SCIN: variants seen among roughly 807,000 people sequenced by gnomAD.
The protein encoded by SCIN is adseverin.
In SCIN, 91 loss-of-function variants were observed where a neutral mutation model predicts 91.8. That is an observed-to-expected ratio of 0.99 (90% CI 0.84 to 1.18). The LOEUF (loss-of-function observed/expected upper bound fraction) is 1.18, where lower values mean the gene tolerates loss of function less well. SCIN is among the 50% of genes most tolerant of loss of function. The probability of loss-of-function intolerance (pLI) is 0.00; values close to 1 mark genes in which losing one functional copy is unlikely to be tolerated. For synonymous variants in SCIN, 367 were observed against 312.6 expected (o/e 1.17, Z -1.84); for missense variants, 1,087 against 863.9 (o/e 1.26, Z -3.24).
rs1405074068 is a variant in SCIN, at chr7:12,656,083, CATCAAATAATAT to C, written c.*3369_*3380del. 1 of 152,166 alleles carries C rather than the reference CATCAAATAATAT, an allele frequency of 6.6e-6. No individual in the cohort carries two copies. Among genetic ancestry groups the C allele is most frequent in the African/African-American group, 2.4e-5 (1 of 41,452 alleles). 9.4% of individuals were successfully genotyped at this position (152,166 alleles called of 1,614,324 possible). A position where few individuals can be genotyped will look rare whatever the true frequency, so the allele number is the denominator to read the frequency against. Reference sequence around the variant, plus strand: ...TGTTCTCTTCTCGTCTTAGATAGCTCATCAAATAATATTTCCCACCACTTATTTCTAGCAGTT... The same window carrying C: ...TGTTCTCTTCTCGTCTTAGATAGCTCTTCCCACCACTTATTTCTAGCAGTT... On this transcript the variant is annotated 3_prime_UTR_variant, in exon 16 of 16. Transcript: ENST00000297029.
At chr7:12,598,635 G>A (rs1782890891) in intron 3 of SCIN, among the ~76,000 whole-genome samples, 1 of 152,190 alleles carries the variant, frequency 6.6e-6, no homozygotes, top group African/African-American at 2.4e-5. Context: ...GCTCATGCCT[G>A]TAACCCCAGC....
At chr7:12,580,789 G>A (rs925780473) in intron 2 of SCIN, among the ~76,000 whole-genome samples, 1 of 152,202 alleles carries the variant, frequency 6.6e-6, no homozygotes, top group African/African-American at 2.4e-5. Context: ...TTTTGCAGCA[G>A]CGTTTTATAC....
At chr7:12,618,338 C>T (rs1438068914) in intron 4 of SCIN, among the ~76,000 whole-genome samples, 1 of 152,116 alleles carries the variant, frequency 6.6e-6, no homozygotes, top group Non-Finnish European at 1.5e-5. Flanking sequence ...GACAGCACTG[C>T]GCTATAGCTA....
intron 1 of SCIN, 175 bp from the exon 2 acceptor site, chr7:12,577,889 A>C: frequency 1.7e-6 from 1 of 598,868 alleles, no homozygotes; most frequent in Middle Eastern, 4.5e-4. Flanking sequence ...AAAATTGTTA[A>C]TTATTAGCAA....
At chr7:12,595,359 T>G (rs1269457159) in intron 3 of SCIN, among the ~76,000 whole-genome samples, 1 of 151,900 alleles carries the variant, frequency 6.6e-6, no homozygotes, top group Admixed American at 6.6e-5. Context: ...TCTCGTGACC[T>G]CCCCCATGCT....
chr7:12,644,507 T>C, intron 12 of SCIN, 77 bp from the exon 13 acceptor site: 2 of 1,562,136 alleles, frequency 1.3e-6, no homozygotes, highest in South Asian at 1.2e-5. Context: ...CAAGGTGAGA[T>C]AATATTTGTT....
chr7:12,575,108 A>T (rs1782342351), intron 1 of SCIN, among the ~76,000 whole-genome samples: 1 of 152,122 alleles, frequency 6.6e-6, no homozygotes, highest in African/African-American at 2.4e-5. Context: ...TGTCAATAGC[A>T]TTGCGCCTTT....
intron 10 of SCIN, among the ~76,000 whole-genome samples, chr7:12,636,575 A>G (rs1466973106): frequency 1.3e-5 from 2 of 152,120 alleles, no homozygotes; most frequent in South Asian, 2.1e-4. Flanking sequence ...AGATGGAGTT[A>G]TGGTTGTTCA....
intron 3 of SCIN, among the ~76,000 whole-genome samples, chr7:12,593,076 A>G (rs1298523461): frequency 6.6e-6 from 1 of 152,190 alleles, no homozygotes; most frequent in Non-Finnish European, 1.5e-5. Flanking sequence ...TGTTGAGAGG[A>G]CAGTCAGACT....
chr7:12,615,472 C>A (rs1310760488), intron 4 of SCIN, among the ~76,000 whole-genome samples: 4 of 152,138 alleles, frequency 2.6e-5, no homozygotes, highest in African/African-American at 9.7e-5. Flanking sequence ...GCTTCCCCTT[C>A]ACCTTCCGCC....
chr7:12,596,592 A>G (rs10250098), intron 3 of SCIN, among the ~76,000 whole-genome samples: 2,474 of 152,274 alleles, frequency 0.016, 64 homozygotes, highest in African/African-American at 0.056. Context: ...AACAATACGC[A>G]TGAAGAAGCA....
chr7:12,608,321 G>GCACACACACACACACACACA (rs35120183), intron 4 of SCIN, among the ~76,000 whole-genome samples: 3 of 148,792 alleles, frequency 2.0e-5, no homozygotes, highest in African/African-American at 7.4e-5. Context: ...ATGCACACAT[G>GCACACACACACACACACACA]CACACACACA....
chr7:12,648,879 A>G (rs919983291), intron 13 of SCIN, among the ~76,000 whole-genome samples: 42 of 152,302 alleles, frequency 2.8e-4, no homozygotes, highest in African/African-American at 9.4e-4. Flanking sequence ...CTCCAAATGA[A>G]TGGGGTCAGC....
At chr7:12,594,877 A>G (rs1008739802) in intron 3 of SCIN, among the ~76,000 whole-genome samples, 14 of 152,024 alleles carry the variant, frequency 9.2e-5, no homozygotes, top group African/African-American at 3.1e-4. Context: ...GAGTGAAGAG[A>G]TGGTCAAGGG....
intron 3 of SCIN, among the ~76,000 whole-genome samples, chr7:12,585,884 A>G (rs1475596032): frequency 6.6e-6 from 1 of 152,220 alleles, no homozygotes; most frequent in Non-Finnish European, 1.5e-5. Context: ...TTTCTCCAGC[A>G]GGCATCCAAT....
rs532395287 is a variant in SCIN, at chr7:12,641,666, A to G, written c.1581+1149A>G. On this transcript the variant is annotated intron_variant, in intron 11 of 15. Coordinates refer to ENST00000297029, the MANE Select transcript of SCIN (RefSeq NM_001112706.3). ...TTTGCAATAACTATAGCTCCTCAGA[A>G]ATCTGTTTCAGTCATCTAATCTCTG... 3.3e-5 allele frequency among the ~76,000 whole-genome samples: 5 copies of G among 152,208 alleles called. No individual in the cohort carries two copies. The South Asian group carries it at 1.0e-3, about 32-fold the overall frequency.
chr7:12,604,618 A>G lies in SCIN; in HGVS notation c.621A>G (p.Glu207=), dbSNP rs1200267640. ...ACAATGAAAGGAAAGGAAGGTCTGA[A>G]CTAATTGTCGTGGAAGAAGGAAGTG... ...IRYNERKGRS[E]LIVVEEGSEP... Residue 207 remains glutamate (E), a synonymous_variant, in exon 4 of 16, where the codon GAA becomes GAG. Coordinates refer to ENST00000297029, the MANE Select transcript of SCIN (RefSeq NM_001112706.3). 5 of 1,552,260 alleles carry G rather than the reference A, an allele frequency of 3.2e-6. No individual in the cohort carries two copies. The South Asian group carries it at 5.9e-5, about 18-fold the overall frequency.
chr7:12,591,243 T>C (rs1309807285), intron 3 of SCIN, among the ~76,000 whole-genome samples: 1 of 152,100 alleles, frequency 6.6e-6, no homozygotes. Context: ...GGATTTTTTA[T>C]AAAGAGGGCA....
At position 12,626,808 on chromosome 7, in the gene SCIN, C is replaced by G; in HGVS notation, c.1197+9C>G. 1.3e-6 allele frequency: 2 copies of G among 1,595,766 alleles called. No individual in the cohort carries two copies. Among genetic ancestry groups the G allele is most frequent in the Non-Finnish European group, 1.7e-6 (2 of 1,170,314 alleles). On this transcript the variant is annotated intron_variant, in intron 8 of 15. Coordinates refer to ENST00000297029, the MANE Select transcript of SCIN (RefSeq NM_001112706.3). ...GTTCTGGCAAAGTGGAGGTATTTACCTGTTTTTGTTTTTATCAAGCCCATT... is the reference window on the plus strand; with the variant it reads ...GTTCTGGCAAAGTGGAGGTATTTACGTGTTTTTGTTTTTATCAAGCCCATT...
Sources: allele counts gnomAD v4.1 joint callset (sites outside exome capture counted in the v4.1 genomes callset), GRCh38; gene constraint gnomAD v4.1.1; transcripts MANE v1.5; gene names NCBI Gene and HGNC (gene_info 2026-07-23, HGNC 2026-07-21).